The following ALPL variants were observed in gnomAD, a reference collection of about 807,000 sequenced individuals.
The protein encoded by ALPL is alkaline phosphatase, tissue-nonspecific isozyme.
Under a neutral mutation model 51.3 loss-of-function variants are expected in ALPL, and 42 were observed. The ratio of observed to expected loss-of-function variants is 0.82; its 90% CI spans 0.64 to 1.06. The LOEUF is 1.06. ALPL is among the 50% of genes least tolerant of loss of function. The pLI, the probability that ALPL is intolerant of heterozygous loss-of-function variation, is 0.00. For synonymous variants in ALPL, 279 were observed against 296.4 expected, an observed-to-expected ratio of 0.94 and a Z score of 0.60; for missense variants, 589 against 709.4, an observed-to-expected ratio of 0.83 and a Z score of 1.93.
chr1:21,520,344 G>C (rs1643870902), intron 1 of ALPL, among the ~76,000 whole-genome samples: 1 of 151,894 alleles, frequency 6.6e-6, no homozygotes, highest in South Asian at 2.1e-4. Context: ...TGATGAGGCT[G>C]GTCTTGAACT....
intron 1 of ALPL, among the ~76,000 whole-genome samples, chr1:21,545,519 G>T (rs1362967793): frequency 6.6e-6 from 1 of 152,118 alleles, no homozygotes; most frequent in Non-Finnish European, 1.5e-5. Flanking sequence ...TCGAACTCCT[G>T]ACCTCAGGTG....
intron 7 of ALPL, among the ~76,000 whole-genome samples, chr1:21,569,398 C>G (rs1409575143): frequency 6.6e-6 from 1 of 152,208 alleles, no homozygotes; most frequent in Admixed American, 6.5e-5. Context: ...GTGTAGGCCC[C>G]ACATCCCTAG....
chr1:21,577,034 T>C (rs950314371), intron 11 of ALPL, among the ~76,000 whole-genome samples: 1 of 152,166 alleles, frequency 6.6e-6, no homozygotes, highest in Non-Finnish European at 1.5e-5. Context: ...TTGCAGTTAG[T>C]TCATCCCATC....
intron 4 of ALPL, 80 bp from the exon 5 acceptor site, chr1:21,563,030 C>T: frequency 2.5e-6 from 4 of 1,575,066 alleles, no homozygotes; most frequent in Non-Finnish European, 3.5e-6. Context: ...GCCCCAGTCC[C>T]CATGGTGTGA....
chr1:21,529,546 C>A (rs1184128402), intron 1 of ALPL, among the ~76,000 whole-genome samples: 1 of 152,178 alleles, frequency 6.6e-6, no homozygotes, highest in Admixed American at 6.5e-5. Context: ...TTCCCTGCTT[C>A]CTCCTGGAAG....
intron 1 of ALPL, among the ~76,000 whole-genome samples, chr1:21,514,134 C>T (rs1473308609): frequency 2.0e-5 from 3 of 152,142 alleles, no homozygotes; most frequent in East Asian, 1.9e-4. Context: ...GTCAGCTAGG[C>T]GAAGGAGCTT....
chr1:21,553,207 T>G (rs934731807), intron 1 of ALPL, among the ~76,000 whole-genome samples: 2 of 151,932 alleles, frequency 1.3e-5, no homozygotes, highest in African/African-American at 4.8e-5. Context: ...ATATATATTT[T>G]TTAAAAATTG....
intron 2 of ALPL, among the ~76,000 whole-genome samples, chr1:21,554,579 C>T (rs1046233505): frequency 2.6e-5 from 4 of 151,140 alleles, no homozygotes; most frequent in African/African-American, 9.7e-5. Context: ...CAAGCTCTGC[C>T]TCCTGGGTTC....
chr1:21,550,835 A>AAGC (rs1644311528), intron 1 of ALPL, among the ~76,000 whole-genome samples: 1 of 152,148 alleles, frequency 6.6e-6, no homozygotes, highest in Non-Finnish European at 1.5e-5. Context: ...TGTGCGATTC[A>AAGC]TTCATGTTGT....
In ALPL at chr1:21,540,095, G is replaced by A. The variant is rs544426166; in HGVS notation, c.-104-13883G>A. ...CGAACACCGCAGATGTAGTGCGTGC[G>A]CCACCCTCCCCCACCGCTTTCTGTA... On this transcript the variant is annotated intron_variant, in intron 1 of 11. Coordinates refer to ENST00000374840, the MANE Select transcript of ALPL (RefSeq NM_000478.6). Among the ~76,000 whole-genome samples, 79 of 152,278 alleles carry A rather than the reference G, an allele frequency of 5.2e-4. 1 individual carries two copies. Among genetic ancestry groups the A allele is most frequent in the Middle Eastern group, 6.8e-3 (2 of 294 alleles).
At chr1:21,520,823 G>T (rs1347330732) in intron 1 of ALPL, among the ~76,000 whole-genome samples, 2 of 152,180 alleles carry the variant, frequency 1.3e-5, no homozygotes, top group Non-Finnish European at 2.9e-5. Context: ...ATTTTGCAAA[G>T]TGGGAGACTG....
chr1:21,573,815 C>T lies in ALPL; in HGVS notation c.997+16C>T. ...CTGGTGGAAGGTAGGGACCCCGGGT[C>T]TGCTGAGAGGGGGCTGCTGGAAACA... On this transcript the variant is annotated intron_variant, in intron 9 of 11. Coordinates refer to ENST00000374840, the MANE Select transcript of ALPL (RefSeq NM_000478.6). 4 of 1,614,076 alleles carry T rather than the reference C, an allele frequency of 2.5e-6. No homozygotes were observed. Among genetic ancestry groups the T allele is most frequent in the Non-Finnish European group, 3.4e-6 (4 of 1,180,006 alleles).
At position 21,574,090 on chromosome 1, in the gene ALPL, A is replaced by G. The variant is rs2275368; in HGVS notation, c.997+291A>G. 0.14 allele frequency: 133,680 copies of G among 985,106 alleles called. 10,407 individuals are homozygous for G. The highest frequency in any genetic ancestry group is 0.44 in the East Asian group (3,850 of 8,748). 61.0% of individuals were successfully genotyped at this position (985,106 alleles called of 1,614,324 possible). A position where few individuals can be genotyped will look rare whatever the true frequency, so the allele number is the denominator to read the frequency against. On this transcript the variant is annotated intron_variant, in intron 9 of 11. Transcript: ENST00000374840. The stretch of plus-strand genomic sequence containing the variant: ...AGTCTTTCTTGGGGACCTGGCCCTG[A>G]AGGGGCAAGCAGCCCCTCAGCCTCA...
chr1:21,554,630 A>C (rs1299125515), intron 2 of ALPL, among the ~76,000 whole-genome samples: 1 of 151,082 alleles, frequency 6.6e-6, no homozygotes, highest in African/African-American at 2.4e-5. Context: ...AGCTGGGACT[A>C]CAGGTGCCCG....
chr1:21,536,974 A>G (rs145377039), intron 1 of ALPL, among the ~76,000 whole-genome samples: 15,088 of 142,536 alleles, frequency 0.11, 1,047 homozygotes, highest in African/African-American at 0.21. Context: ...TTGGCTCACT[A>G]CAACCTCCAC....
chr1:21,577,507 C>T lies in ALPL; in HGVS notation c.1434C>T (p.Asn478=). ...AHLLHGVHEQ[N]YVPHVMAYAA... is the part of the protein sequence containing the mutation. ...TGCTGCACGGCGTCCACGAGCAGAA[C>T]TACGTCCCCCACGTGATGGCGTATG... Residue 478 remains asparagine, a synonymous_variant, in exon 12 of 12, where the codon AAC becomes AAT. Transcript: ENST00000374840. 1 of 1,608,598 alleles carries T rather than the reference C, an allele frequency of 6.2e-7. No individual in the cohort carries two copies. Among genetic ancestry groups the T allele is most frequent in the Non-Finnish European group, 8.5e-7 (1 of 1,179,898 alleles).
intron 1 of ALPL, among the ~76,000 whole-genome samples, chr1:21,551,894 T>A (rs2148130072): frequency 6.6e-6 from 1 of 151,470 alleles, no homozygotes; most frequent in Non-Finnish European, 1.5e-5. Context: ...CCCGGCTAAT[T>A]TTTTGTATTT....
At chr1:21,515,529 C>T (rs1643778886) in intron 1 of ALPL, among the ~76,000 whole-genome samples, 1 of 152,190 alleles carries the variant, frequency 6.6e-6, no homozygotes, top group South Asian at 2.1e-4. Context: ...GCTGGGATTA[C>T]AGGCACATGC....
At chr1:21,576,394 G>C in intron 10 of ALPL, 128 bp from the exon 11 acceptor site, 1 of 1,281,378 alleles carries the variant, frequency 7.8e-7, no homozygotes, top group South Asian at 1.4e-5. Context: ...GTGGCTTCTT[G>C]GAGGCATTGC....
Sources: gnomAD v4.1 joint callset for allele counts (sites outside exome capture counted in the v4.1 genomes callset) on GRCh38, gnomAD v4.1.1 for gene constraint, MANE v1.5 for transcripts, NCBI Gene and HGNC (gene_info 2026-07-23, HGNC 2026-07-21) for gene names.